Variants in SOX5 observed in about 807,000 individuals in gnomAD.
The protein encoded by SOX5 is transcription factor SOX-5.
In SOX5, 9 loss-of-function variants were observed where a neutral mutation model predicts 92.0. The ratio of observed to expected loss-of-function variants is 0.10; its 90% CI spans 0.06 to 0.17. The LOEUF is 0.17. SOX5 is among the 10% of genes least tolerant of loss of function. The probability of loss-of-function intolerance (pLI) is 1.00; values close to 1 mark genes in which losing one functional copy is unlikely to be tolerated. For synonymous variants in SOX5, 344 were observed against 336.3 expected (o/e 1.02, Z -0.25); for missense variants, 642 against 944.5 (o/e 0.68, Z 4.20).
chr12:23,947,786 TA>T (rs762123333), intron 1 of SOX5, among the ~76,000 whole-genome samples: 1 of 151,520 alleles, frequency 6.6e-6, no homozygotes, highest in Admixed American at 6.6e-5. Flanking sequence ...AAGTTTAGTT[TA>T]AAAAGAGATA....
rs78661104 is a variant in SOX5 at position 24,308,583 on chromosome 12, A to T, written c.-173-31271T>A. Among the ~76,000 whole-genome samples, 1,014 of 152,328 alleles carry T rather than the reference A, an allele frequency of 6.7e-3. 15 individuals carry two copies. Among genetic ancestry groups the T allele is most frequent in the African/African-American group, 0.023 (974 of 41,570 alleles). Reference sequence around the variant, plus strand: ...CTAAGATACTTTGTGGTACCACGTGACTTGGATAACACTACTAGACTGATG... The same window carrying T: ...CTAAGATACTTTGTGGTACCACGTGTCTTGGATAACACTACTAGACTGATG... On this transcript the variant is annotated intron_variant, in intron 2 of 4. Coordinates refer to the SOX5 transcript ENST00000446891.
chr12:24,123,650 T>C (rs1427125613), intron 4 of SOX5, among the ~76,000 whole-genome samples: 3 of 152,222 alleles, frequency 2.0e-5, no homozygotes, highest in African/African-American at 7.2e-5. Context: ...CAATATAAAT[T>C]ACAATAAGAT....
intron 1 of SOX5, among the ~76,000 whole-genome samples, chr12:24,473,680 C>T (rs1048181608): frequency 6.6e-6 from 1 of 152,040 alleles, no homozygotes; most frequent in Non-Finnish European, 1.5e-5. Context: ...TGTAAGAATC[C>T]GAGTACAGGT....
At chr12:24,160,154 AT>A (rs1290672489) in intron 4 of SOX5, among the ~76,000 whole-genome samples, 4 of 151,920 alleles carry the variant, frequency 2.6e-5, no homozygotes, top group African/African-American at 4.8e-5. Flanking sequence ...TGTCAAAGGT[AT>A]TTTTTTTCTA....
intron 4 of SOX5, among the ~76,000 whole-genome samples, chr12:24,062,702 T>C (rs1363237245): frequency 6.6e-6 from 1 of 152,202 alleles, no homozygotes; most frequent in African/African-American, 2.4e-5. Context: ...TACTAAGTTA[T>C]AAGAAAATAA....
chr12:23,696,219 T>G (rs1174060266), intron 6 of SOX5, among the ~76,000 whole-genome samples: 1 of 152,026 alleles, frequency 6.6e-6, no homozygotes, highest in Non-Finnish European at 1.5e-5. Flanking sequence ...TTTTCTTAAA[T>G]ATTTTTACAA....
At chr12:23,597,538 C>T (rs184846126) in intron 9 of SOX5, among the ~76,000 whole-genome samples, 34 of 152,192 alleles carry the variant, frequency 2.2e-4, no homozygotes, top group African/African-American at 7.5e-4. Context: ...AACTTATTTC[C>T]ATGTAGCAAC....
At chr12:23,809,045 A>G (rs1204963006) in intron 3 of SOX5, among the ~76,000 whole-genome samples, 1 of 152,168 alleles carries the variant, frequency 6.6e-6, no homozygotes, top group Admixed American at 6.5e-5. Flanking sequence ...TTTATTAGAG[A>G]ACAGACATCA....
chr12:23,807,191 A>G (rs186457349), intron 3 of SOX5, among the ~76,000 whole-genome samples: 28 of 152,332 alleles, frequency 1.8e-4, no homozygotes, highest in Admixed American at 9.2e-4. Context: ...AGAAATGGTC[A>G]ATTGGCCCAT....
chr12:24,129,897 A>AGAG (rs1488573564), intron 4 of SOX5, among the ~76,000 whole-genome samples: 1 of 152,226 alleles, frequency 6.6e-6, no homozygotes, highest in Non-Finnish European at 1.5e-5. Flanking sequence ...ATTTTCTTTT[A>AGAG]GAGGAGATTT....
At chr12:23,793,180 C>A (rs2095506230) in intron 3 of SOX5, among the ~76,000 whole-genome samples, 2 of 152,100 alleles carry the variant, frequency 1.3e-5, no homozygotes, top group African/African-American at 4.8e-5. Context: ...GTATATTTTT[C>A]ATCACTGCAA....
chr12:24,361,840 T>C (rs532778188), intron 2 of SOX5, among the ~76,000 whole-genome samples: 1 of 152,336 alleles, frequency 6.6e-6, no homozygotes, highest in South Asian at 2.1e-4. Context: ...CTCTCTGGGA[T>C]TTCAGTTCAG....
intron 1 of SOX5, among the ~76,000 whole-genome samples, chr12:23,919,493 A>C (rs2097457571): frequency 6.6e-6 from 1 of 152,230 alleles, no homozygotes; most frequent in African/African-American, 2.4e-5. Flanking sequence ...TGTGGTAATA[A>C]AATGCAGCTA....
chr12:23,782,788 T>C (rs1018305069), intron 3 of SOX5, among the ~76,000 whole-genome samples: 11 of 152,166 alleles, frequency 7.2e-5, no homozygotes, highest in Admixed American at 2.6e-4. Context: ...ATTATGCTTT[T>C]TAAAACTATA....
intron 1 of SOX5, among the ~76,000 whole-genome samples, chr12:24,543,660 C>G (rs749024908): frequency 3.9e-4 from 60 of 152,178 alleles, no homozygotes; most frequent in Non-Finnish European, 7.6e-4. Context: ...TGCACTCCAG[C>G]CTGGGTGACA....
intron 2 of SOX5, among the ~76,000 whole-genome samples, chr12:23,879,329 TG>T (rs2096961997): frequency 2.5e-5 from 2 of 80,680 alleles, no homozygotes; most frequent in South Asian, 1.0e-3. Context: ...TCTAATCTGA[TG>T]AAAAAAAAAC....
chr12:23,723,566 T>TTATATATATATATATATATATA (rs10679589), intron 6 of SOX5, among the ~76,000 whole-genome samples: 1 of 144,678 alleles, frequency 6.9e-6, no homozygotes, highest in African/African-American at 2.6e-5. Context: ...AGGAGAAAAA[T>TTATATATATATATATATATATA]TATATATATA....
chr12:24,154,800 T>C (rs1447622272), intron 4 of SOX5, among the ~76,000 whole-genome samples: 2 of 152,150 alleles, frequency 1.3e-5, no homozygotes, highest in Non-Finnish European at 2.9e-5. Context: ...TTTTTCATAA[T>C]ATAATAATAC....
At chr12:24,127,628 A>C (rs1949238505) in intron 4 of SOX5, among the ~76,000 whole-genome samples, 1 of 152,076 alleles carries the variant, frequency 6.6e-6, no homozygotes, top group African/African-American at 2.4e-5. Flanking sequence ...AGGAGACTAT[A>C]TCTTTGTTTT....
Sources: gnomAD v4.1 joint callset for allele counts (sites outside exome capture counted in the v4.1 genomes callset) on GRCh38, gnomAD v4.1.1 for gene constraint, MANE v1.5 for transcripts, NCBI Gene and HGNC (gene_info 2026-07-23, HGNC 2026-07-21) for gene names.